The following ORAI2 variants were observed in gnomAD, a reference collection of about 807,000 sequenced individuals.
ORAI2 encodes the protein protein orai-2.
A neutral mutation model predicts 16.2 loss-of-function variants in ORAI2; 10 were observed. The observed-to-expected ratio is 0.62, with a 90% CI of 0.38 to 1.04. ORAI2 has a LOEUF of 1.04. Among genes scored for constraint, ORAI2 ranks in the 50% least tolerant of loss-of-function variants. The pLI is 0.01. For missense variants in ORAI2, 238 were observed against 355.5 expected, an observed-to-expected ratio of 0.67 and a Z score of 2.66; for synonymous variants, 150 against 157.5, an observed-to-expected ratio of 0.95 and a Z score of 0.35.
At chr7:102,434,411 C>T (rs949851875) in intron 1 of ORAI2, among the ~76,000 whole-genome samples, 7 of 152,194 alleles carry the variant, frequency 4.6e-5, no homozygotes, top group African/African-American at 1.2e-4. Context: ...GACATCGTTT[C>T]CTCCACAATC....
rs1202513068 is a variant in ORAI2, at chr7:102,450,162, A to T, written c.*3110A>T. On this transcript the variant is annotated 3_prime_UTR_variant, in exon 4 of 4. Coordinates refer to ENST00000495936, the MANE Select transcript of ORAI2 (RefSeq NM_001126340.3). Reference sequence around the variant, plus strand: ...AGCTAAAATATGATTGTACCACTGCACTCCAGCCTGGGTGACAGAGTGAGA... The same window carrying T: ...AGCTAAAATATGATTGTACCACTGCTCTCCAGCCTGGGTGACAGAGTGAGA... 1.3e-5 allele frequency: 2 copies of T among 151,518 alleles called. No homozygotes were observed. The highest frequency in any genetic ancestry group is 6.6e-5 in the Admixed American group (1 of 15,124). The allele number at this position is 151,518 out of a possible 1,614,324, so 9.4% of individuals were successfully genotyped here. A position where few individuals can be genotyped will look rare whatever the true frequency, so the allele number is the denominator to read the frequency against.
At chr7:102,434,121 C>CAAAAAAAA (rs55642836) in intron 1 of ORAI2, among the ~76,000 whole-genome samples, 7 of 67,010 alleles carry the variant, frequency 1.0e-4, no homozygotes, top group Admixed American at 1.7e-4. Context: ...CTCATTAAAG[C>CAAAAAAAA]AAAAAAAAAA....
Position 102,453,775 on chromosome 7 carries a change from C to G in ORAI2, c.*6723C>G, listed in dbSNP as rs1449623576. 1 of 152,300 alleles carries G rather than the reference C, an allele frequency of 6.6e-6. No homozygotes were observed. Among genetic ancestry groups the G allele is most frequent in the Non-Finnish European group, 1.5e-5 (1 of 68,136 alleles). The allele number at this position is 152,300 out of a possible 1,614,324, so 9.4% of individuals were successfully genotyped here. On this transcript the variant is annotated 3_prime_UTR_variant, in exon 4 of 4. Coordinates refer to ENST00000495936, the MANE Select transcript of ORAI2 (RefSeq NM_001126340.3). ...ATAGAGTCTCACTCTGTCGTCCAGG[C>G]TGGACTGCAATGGTGTGATCTTGGC...
chr7:102,439,018 A>G lies in ORAI2; in HGVS notation c.62A>G (p.His21Arg), dbSNP rs2133223675. Residue 21 changes from histidine (H) to arginine (R), a missense_variant, in exon 3 of 4, where the codon CAT becomes CGT. His to Arg is a conservative substitution (Grantham distance 29). This residue lies in a region of ORAI2 where 61 missense variants were observed against 72.7 expected (regional missense o/e 0.84). Transcript: ENST00000495936. ...GCTCCTGCCTGCCCTGAGCCCGGCC[A>G]TAAGGGCATGGATTACCGGGACTGG... ...PSAPACPEPG[H>R]KGMDYRDWVR... 6.2e-7 allele frequency: 1 copy of G among 1,613,932 alleles called. No individual in the cohort carries two copies. Among genetic ancestry groups the G allele is most frequent in the Non-Finnish European group, 8.5e-7 (1 of 1,180,008 alleles).
At chr7:102,434,278 C>T (rs1797003486) in intron 1 of ORAI2, among the ~76,000 whole-genome samples, 1 of 152,126 alleles carries the variant, frequency 6.6e-6, no homozygotes, top group African/African-American at 2.4e-5. Flanking sequence ...GTCCCTCCCC[C>T]TGGGCCACCG....
At chr7:102,440,189 A>G (rs997905814) in intron 3 of ORAI2, among the ~76,000 whole-genome samples, 1 of 152,210 alleles carries the variant, frequency 6.6e-6, no homozygotes, top group Admixed American at 6.5e-5. Context: ...GGCACCACCC[A>G]AAAGTTTGGA....
At position 102,447,501 on chromosome 7, in the gene ORAI2, C is replaced by T. The variant is rs975437583; in HGVS notation, c.*449C>T. The stretch of plus-strand genomic sequence containing the variant: ...TGGACTTCATGGGTGCTGAGTGGCC[C>T]GTGTGACAGTGATGACACGAAGGCT... On this transcript the variant is annotated 3_prime_UTR_variant, in exon 4 of 4. Transcript: ENST00000495936. 6 of 167,110 alleles carry T rather than the reference C, an allele frequency of 3.6e-5. No individual in the cohort carries two copies. Among genetic ancestry groups the T allele is most frequent in the South Asian group, 1.6e-4 (1 of 6,192 alleles). The allele number at this position is 167,110 out of a possible 1,614,324, so 10.4% of individuals were successfully genotyped here.
chr7:102,435,002 G>T (rs1797025976), intron 1 of ORAI2, among the ~76,000 whole-genome samples: 1 of 152,176 alleles, frequency 6.6e-6, no homozygotes, highest in African/African-American at 2.4e-5. Flanking sequence ...AGGCGCAGTG[G>T]TTCATGCCTA....
Position 102,436,272 on chromosome 7 carries a change from C to T in ORAI2, c.-75C>T, listed in dbSNP as rs894040653. 2.0e-6 allele frequency: 2 copies of T among 984,496 alleles called. No homozygotes were observed. Among genetic ancestry groups the T allele is most frequent in the Non-Finnish European group, 2.4e-6 (2 of 828,926 alleles). The allele number at this position is 984,496 out of a possible 1,614,324, so 61.0% of individuals were successfully genotyped here. A position where few individuals can be genotyped will look rare whatever the true frequency, so the allele number is the denominator to read the frequency against. On this transcript the variant is annotated 5_prime_UTR_variant, in exon 2 of 4. Transcript: ENST00000495936. ...AAGTGCTTGGATGCGGTGCTGCTGG[C>T]TGCGGATGTGCGCAAGGAGATGGGA... is the stretch of plus-strand genomic sequence containing the variant.
Position 102,447,626 on chromosome 7 carries a change from C to G in ORAI2, c.*574C>G, listed in dbSNP as rs2133236105. 6.5e-6 allele frequency: 1 copy of G among 154,208 alleles called. No individual in the cohort carries two copies. The highest frequency in any genetic ancestry group is 1.9e-4 in the East Asian group (1 of 5,198). The allele number at this position is 154,208 out of a possible 1,614,324, so 9.6% of individuals were successfully genotyped here. A position where few individuals can be genotyped will look rare whatever the true frequency, so the allele number is the denominator to read the frequency against. On this transcript the variant is annotated 3_prime_UTR_variant, in exon 4 of 4. Coordinates refer to ENST00000495936, the MANE Select transcript of ORAI2 (RefSeq NM_001126340.3). ...CCTGGCTTCAGGGGAAGACAGGAGC[C>G]AGGACACACGTCAGCCCAGCAGGTG...
chr7:102,444,451 C>G (rs942338065), intron 3 of ORAI2, among the ~76,000 whole-genome samples: 6 of 151,612 alleles, frequency 4.0e-5, no homozygotes, highest in Non-Finnish European at 8.8e-5. Flanking sequence ...AAGAGTTTTG[C>G]CATATTGGCC....
intron 3 of ORAI2, among the ~76,000 whole-genome samples, chr7:102,442,810 C>G (rs1797240187): frequency 6.7e-6 from 1 of 149,724 alleles, no homozygotes; most frequent in Non-Finnish European, 1.5e-5. Context: ...GAGCCGAGAA[C>G]ATGCCACTGC....
rs893623806 is a variant in ORAI2, at chr7:102,449,053, C to T, written c.*2001C>T. On this transcript the variant is annotated 3_prime_UTR_variant, in exon 4 of 4. Coordinates refer to ENST00000495936, the MANE Select transcript of ORAI2 (RefSeq NM_001126340.3). ...ACAGAGACCCTGACATGCAGTTTTCCGTGCTGAGGGGCCCTAGGGGAGTCA... is the reference window on the plus strand; with the variant it reads ...ACAGAGACCCTGACATGCAGTTTTCTGTGCTGAGGGGCCCTAGGGGAGTCA... 1.3e-5 allele frequency: 2 copies of T among 152,118 alleles called. No individual in the cohort carries two copies. Among genetic ancestry groups the T allele is most frequent in the South Asian group, 2.1e-4 (1 of 4,824 alleles). The allele number at this position is 152,118 out of a possible 1,614,324, so 9.4% of individuals were successfully genotyped here. A position where few individuals can be genotyped will look rare whatever the true frequency, so the allele number is the denominator to read the frequency against.
rs76162653 is a variant in ORAI2, at chr7:102,442,005, T to C, written c.225+2824T>C. The stretch of plus-strand genomic sequence containing the variant: ...TATAGTGTGTCTTCCCTCATTAGAA[T>C]TGCAAAGCTGTTCCTTTGTCTAGCA... On this transcript the variant is annotated intron_variant, in intron 3 of 3. Transcript: ENST00000495936. 6.6e-5 allele frequency among the ~76,000 whole-genome samples: 10 copies of C among 152,216 alleles called. No individual in the cohort carries two copies. In the East Asian group the frequency reaches 1.7e-3, roughly 26 times the overall value.
At chr7:102,446,016 T>G (rs1213841770) in intron 3 of ORAI2, among the ~76,000 whole-genome samples, 2 of 152,128 alleles carry the variant, frequency 1.3e-5, no homozygotes, top group Non-Finnish European at 2.9e-5. Context: ...TGGTGAAATC[T>G]TGCCTCACTG....
At position 102,449,089 on chromosome 7, in the gene ORAI2, C is replaced by G. The variant is rs901986506; in HGVS notation, c.*2037C>G. The stretch of plus-strand genomic sequence containing the variant: ...GCCCTAGGGGAGTCACACCAAGGGT[C>G]CCCACGAGAAAGTTGTGGCATCCCC... On this transcript the variant is annotated 3_prime_UTR_variant, in exon 4 of 4. Coordinates refer to ENST00000495936, the MANE Select transcript of ORAI2 (RefSeq NM_001126340.3). The G allele has an allele frequency of 7.2e-5, 11 of 152,114 alleles. No homozygotes were observed. The highest frequency in any genetic ancestry group is 2.2e-4 in the African/African-American group (9 of 41,414). 9.4% of individuals were successfully genotyped at this position (152,114 alleles called of 1,614,324 possible).
At chr7:102,437,081 T>C (rs1263679725) in intron 2 of ORAI2, among the ~76,000 whole-genome samples, 1 of 152,246 alleles carries the variant, frequency 6.6e-6, no homozygotes, top group African/African-American at 2.4e-5. Context: ...AGTGGAGATT[T>C]GGGTTTAAAT....
In ORAI2 at chr7:102,453,564, C is replaced by T. The variant is rs1797578119; in HGVS notation, c.*6512C>T. The stretch of plus-strand genomic sequence containing the variant: ...GCTGCCCCTTGGGCTGGGCAGTGGC[C>T]TCAGTACCGAGCCCCAGGCCAGCAA... On this transcript the variant is annotated 3_prime_UTR_variant, in exon 4 of 4. Coordinates refer to ENST00000495936, the MANE Select transcript of ORAI2 (RefSeq NM_001126340.3). 1 of 152,230 alleles carries T rather than the reference C, an allele frequency of 6.6e-6. No individual in the cohort carries two copies. 9.4% of individuals were successfully genotyped at this position (152,230 alleles called of 1,614,324 possible). A position where few individuals can be genotyped will look rare whatever the true frequency, so the allele number is the denominator to read the frequency against.
At chr7:102,442,374 G>A (rs1210286554) in intron 3 of ORAI2, among the ~76,000 whole-genome samples, 1 of 152,078 alleles carries the variant, frequency 6.6e-6, no homozygotes, top group Non-Finnish European at 1.5e-5. Flanking sequence ...CCGATCTGGT[G>A]AAACACTGTC....
Sources: allele counts gnomAD v4.1 joint callset (sites outside exome capture counted in the v4.1 genomes callset), GRCh38; gene constraint gnomAD v4.1.1; regional missense constraint gnomAD v4.1.1; transcripts MANE v1.5; gene names NCBI Gene and HGNC (gene_info 2026-07-23, HGNC 2026-07-21).